GBE1: variants seen among roughly 807,000 people sequenced by gnomAD.
The protein encoded by GBE1 is 1,4-alpha-glucan-branching enzyme.
GBE1 carries 70 observed loss-of-function variants against 88.8 expected under a neutral mutation model. That is an observed-to-expected ratio of 0.79 (90% CI 0.65 to 0.96). The LOEUF is 0.96. Among genes scored for constraint, GBE1 ranks in the 40% least tolerant of loss-of-function variants. The probability of loss-of-function intolerance (pLI) is 0.00; values close to 1 mark genes in which losing one functional copy is unlikely to be tolerated. For synonymous variants in GBE1, 284 were observed against 300.1 expected, an observed-to-expected ratio of 0.95 and a Z score of 0.56; for missense variants, 872 against 871.0, an observed-to-expected ratio of 1.00 and a Z score of -0.01.
chr3:81,750,049 T>G (rs144777805), intron 1 of GBE1, among the ~76,000 whole-genome samples: 311 of 152,254 alleles, frequency 2.0e-3, no homozygotes, highest in Middle Eastern at 0.014. Flanking sequence ...GCCTGTTAGT[T>G]TCACTACACT....
At chr3:81,666,317 A>G (rs1229252234) in intron 3 of GBE1, among the ~76,000 whole-genome samples, 4 of 152,220 alleles carry the variant, frequency 2.6e-5, no homozygotes, top group Admixed American at 2.6e-4. Context: ...TAATGATTAT[A>G]AGAAGGGCTA....
intron 12 of GBE1, among the ~76,000 whole-genome samples, chr3:81,539,954 A>G (rs894243800): frequency 5.9e-5 from 9 of 151,976 alleles, no homozygotes; most frequent in Admixed American, 2.0e-4. Flanking sequence ...CTCAATAAGC[A>G]AAGATAATGA....
intron 14 of GBE1, among the ~76,000 whole-genome samples, chr3:81,525,073 ATTC>A (rs765712197): frequency 4.6e-5 from 7 of 151,946 alleles, no homozygotes; most frequent in Non-Finnish European, 7.4e-5. Flanking sequence ...AGTTTCTAAA[ATTC>A]TTCTTGTTAT....
intron 14 of GBE1, among the ~76,000 whole-genome samples, chr3:81,527,170 C>T (rs943793705): frequency 1.4e-4 from 21 of 152,076 alleles, no homozygotes; most frequent in African/African-American, 3.9e-4. Context: ...TAGCCATATG[C>T]AGAAAGGTGA....
At chr3:81,740,346 T>C (rs1706328916) in intron 1 of GBE1, among the ~76,000 whole-genome samples, 1 of 152,086 alleles carries the variant, frequency 6.6e-6, no homozygotes, top group Non-Finnish European at 1.5e-5. Flanking sequence ...ACCAAGAAAA[T>C]AAGATTTTCA....
intron 9 of GBE1, among the ~76,000 whole-genome samples, chr3:81,586,517 G>A (rs1033876062): frequency 2.6e-5 from 4 of 152,038 alleles, no homozygotes; most frequent in Non-Finnish European, 5.9e-5. Context: ...TATTAGTTTT[G>A]TTGCTTTCAC....
intron 3 of GBE1, among the ~76,000 whole-genome samples, chr3:81,660,064 T>C (rs1280672426): frequency 3.3e-5 from 5 of 152,148 alleles, no homozygotes; most frequent in Non-Finnish European, 5.9e-5. Context: ...TGAAAGTAAA[T>C]ACAACCATCA....
chr3:81,642,380 G>C (rs1197941954), intron 7 of GBE1, among the ~76,000 whole-genome samples: 1 of 151,984 alleles, frequency 6.6e-6, no homozygotes, highest in Admixed American at 6.6e-5. Context: ...TCAAAACCAT[G>C]TAATTTTAAG....
At chr3:81,638,381 C>T (rs919197908) in intron 7 of GBE1, among the ~76,000 whole-genome samples, 4 of 152,014 alleles carry the variant, frequency 2.6e-5, no homozygotes, top group Admixed American at 1.3e-4. Context: ...AAATATTTAA[C>T]GAACAAAAGA....
chr3:81,571,845 G>T (rs1349075999), intron 12 of GBE1, among the ~76,000 whole-genome samples: 2 of 152,040 alleles, frequency 1.3e-5, no homozygotes, highest in Non-Finnish European at 2.9e-5. Context: ...AACAAAACTG[G>T]CAGTAAGCTA....
At chr3:81,640,470 A>G (rs570370612) in intron 7 of GBE1, among the ~76,000 whole-genome samples, 1 of 152,198 alleles carries the variant, frequency 6.6e-6, no homozygotes, top group South Asian at 2.1e-4. Context: ...TGAAGGCTGC[A>G]CTATCGGCTT....
intron 15 of GBE1, among the ~76,000 whole-genome samples, chr3:81,494,345 T>C (rs1249092018): frequency 3.3e-5 from 5 of 152,156 alleles, no homozygotes; most frequent in Non-Finnish European, 7.4e-5. Context: ...CATGAACAAT[T>C]TGGGGTTCCT....
In GBE1 at chr3:81,646,379, T is replaced by A; in HGVS notation, c.782+13A>T. ...TCAAAATAAAAATGAACACAATGAG[T>A]CTCTGATTTTACCTGGAAGCTGCAA... On this transcript the variant is annotated intron_variant, in intron 6 of 15. Coordinates refer to ENST00000429644, the MANE Select transcript of GBE1 (RefSeq NM_000158.4). 6.6e-7 allele frequency: 1 copy of A among 1,504,756 alleles called. No individual in the cohort carries two copies. The highest frequency in any genetic ancestry group is 9.1e-7 in the Non-Finnish European group (1 of 1,094,550). 93.2% of individuals were successfully genotyped at this position (1,504,756 alleles called of 1,614,324 possible). A position where few individuals can be genotyped will look rare whatever the true frequency, so the allele number is the denominator to read the frequency against.
chr3:81,612,660 TCTC>T (rs1704198517), intron 7 of GBE1: 3 of 556,346 alleles, frequency 5.4e-6, no homozygotes, highest in Non-Finnish European at 1.0e-5. Context: ...ACTTTCAAAA[TCTC>T]CTCACATTAA....
intron 12 of GBE1, among the ~76,000 whole-genome samples, chr3:81,542,534 T>C (rs1223127271): frequency 6.6e-6 from 1 of 152,158 alleles, no homozygotes; most frequent in Non-Finnish European, 1.5e-5. Context: ...TCTTAATGTA[T>C]ATGTTTAGGA....
At chr3:81,644,668 C>A (rs1704740424) in intron 6 of GBE1, among the ~76,000 whole-genome samples, 1 of 152,132 alleles carries the variant, frequency 6.6e-6, no homozygotes, top group African/African-American at 2.4e-5. Flanking sequence ...TAAATGATTA[C>A]TCTGGCCACT....
intron 12 of GBE1, among the ~76,000 whole-genome samples, chr3:81,553,105 G>A (rs1703295024): frequency 6.6e-6 from 1 of 152,194 alleles, no homozygotes; most frequent in Non-Finnish European, 1.5e-5. Flanking sequence ...ACAGGCATTA[G>A]GGAAGGTAAT....
chr3:81,680,343 C>G (rs1420504049), intron 2 of GBE1, among the ~76,000 whole-genome samples: 1 of 151,682 alleles, frequency 6.6e-6, no homozygotes, highest in Non-Finnish European at 1.5e-5. Flanking sequence ...AATGCAAAAA[C>G]AAAATTAGCT....
rs1300936013 is a variant in GBE1 at position 81,670,900 on chromosome 3, CCCATTTT to C, written c.360_366del (p.Lys121SerfsTer20). 7.6e-6 allele frequency: 12 copies of C among 1,577,240 alleles called. No individual in the cohort carries two copies. Among genetic ancestry groups the C allele is most frequent in the Non-Finnish European group, 1.0e-5 (12 of 1,165,600 alleles). ...TTCTGCTTTGGTGGGATATACAGCT[CCCATTTT>C]CCATAATCCAGTTTTTTGTATGGGT... On this transcript the variant is annotated frameshift_variant, in exon 3 of 16. Coordinates refer to ENST00000429644, the MANE Select transcript of GBE1 (RefSeq NM_000158.4). LOFTEE classifies it high-confidence loss of function.
Sources: gnomAD v4.1 joint callset for allele counts (sites outside exome capture counted in the v4.1 genomes callset) on GRCh38, gnomAD v4.1.1 for gene constraint, MANE v1.5 for transcripts, NCBI Gene and HGNC (gene_info 2026-07-23, HGNC 2026-07-21) for gene names.